Variants in MGAT3 observed in about 807,000 individuals in gnomAD.
The protein encoded by MGAT3 is GlcNAc-T III.
Under a neutral mutation model 29.8 loss-of-function variants are expected in MGAT3, and 9 were observed. That is an observed-to-expected ratio of 0.30 (90% CI 0.18 to 0.53). The LOEUF is 0.53. Ranked by LOEUF, MGAT3 falls within the 20% of genes least tolerant of loss-of-function variation. MGAT3 has a pLI of 0.96. For missense variants in MGAT3, 557 were observed against 769.5 expected, an observed-to-expected ratio of 0.72 and a Z score of 3.27; for synonymous variants, 397 against 348.9, an observed-to-expected ratio of 1.14 and a Z score of -1.54.
intron 1 of MGAT3, among the ~76,000 whole-genome samples, chr22:39,461,526 A>T (rs1928497395): frequency 6.6e-6 from 1 of 152,158 alleles, no homozygotes; most frequent in African/African-American, 2.4e-5. Flanking sequence ...ATGGGCCCCA[A>T]GCTTAAGCCA....
chr22:39,478,488 G>A (rs920956380), intron 1 of MGAT3, among the ~76,000 whole-genome samples: 2 of 152,236 alleles, frequency 1.3e-5, no homozygotes, highest in African/African-American at 2.4e-5. Flanking sequence ...CAGGGGAACC[G>A]GCTGTTAAGA....
intron 1 of MGAT3, among the ~76,000 whole-genome samples, chr22:39,468,138 G>T (rs1928708500): frequency 6.6e-6 from 1 of 152,148 alleles, no homozygotes; most frequent in South Asian, 2.1e-4. Context: ...CTCCCTGGGT[G>T]CCCAGAGCCC....
chr22:39,487,679 C>T lies in MGAT3; in HGVS notation c.332C>T (p.Thr111Ile), dbSNP rs1274932855. Residue 111 changes from threonine to isoleucine, a missense_variant, in exon 2 of 2, where the codon ACC becomes ATC. By Grantham distance (89) the Thr-to-Ile change is moderately conservative. This residue lies in a region of MGAT3 where 212 missense variants were observed against 228.5 expected (regional missense o/e 0.93). Transcript: ENST00000341184. This position sits in a 1 kb window ranked among gnomAD's most constrained non-coding sequence, Gnocchi z 5.7. ...PEDTTEYFVR[T>I]KAGGVCFKPG... The stretch of plus-strand genomic sequence containing the variant: ...GACACCACCGAGTATTTCGTGCGCA[C>T]CAAGGCCGGCGGCGTCTGCTTCAAA... 6.2e-7 allele frequency: 1 copy of T among 1,601,436 alleles called. No homozygotes were observed. The highest frequency in any genetic ancestry group is 2.2e-5 in the East Asian group (1 of 44,660).
In MGAT3 at chr22:39,457,090, T is replaced by A. The variant is rs1211931358; in HGVS notation, c.-469T>A. On this transcript the variant is annotated 5_prime_UTR_variant, in exon 1 of 2. Transcript: ENST00000341184. The surrounding 1 kb of genome is among the most constrained non-coding windows in gnomAD (Gnocchi z 6.8). ...GCGCGGGGCGGCGGCGGCCGGAGTC[T>A]GCGGTGCGAGGCGCCCCCGGCCCGG... Among the ~76,000 whole-genome samples, 1 of 145,634 alleles carries A rather than the reference T, an allele frequency of 6.9e-6. No homozygotes were observed. Among genetic ancestry groups the A allele is most frequent in the Non-Finnish European group, 1.5e-5 (1 of 65,650 alleles).
intron 1 of MGAT3, among the ~76,000 whole-genome samples, chr22:39,471,456 A>C (rs1175325741): frequency 1.3e-5 from 2 of 152,100 alleles, no homozygotes; most frequent in Non-Finnish European, 2.9e-5. Context: ...GTTAATAATT[A>C]ATCATCTGCC....
At chr22:39,481,379 G>A (rs754275060) in intron 1 of MGAT3, among the ~76,000 whole-genome samples, 2 of 152,320 alleles carry the variant, frequency 1.3e-5, no homozygotes, top group East Asian at 1.9e-4. Flanking sequence ...CTCTTTGGGC[G>A]CGCAGTTTTC....
intron 1 of MGAT3, among the ~76,000 whole-genome samples, chr22:39,467,756 G>A (rs1375437408): frequency 6.8e-6 from 1 of 146,956 alleles, no homozygotes; most frequent in Non-Finnish European, 1.5e-5. Flanking sequence ...CTTTCAGATG[G>A]AGTCTGGATC....
At chr22:39,467,340 G>A (rs1928677223) in intron 1 of MGAT3, among the ~76,000 whole-genome samples, 1 of 152,196 alleles carries the variant, frequency 6.6e-6, no homozygotes, top group Non-Finnish European at 1.5e-5. Context: ...GAAAGGGGTG[G>A]GGAAGGGAAT....
chr22:39,485,399 A>G (rs976728271), intron 1 of MGAT3, among the ~76,000 whole-genome samples: 2 of 152,226 alleles, frequency 1.3e-5, no homozygotes, highest in African/African-American at 4.8e-5. Flanking sequence ...CAAATGTACC[A>G]TGGTGGTATA....
chr22:39,479,415 G>A (rs2145722305), intron 1 of MGAT3, among the ~76,000 whole-genome samples: 1 of 152,218 alleles, frequency 6.6e-6, no homozygotes, highest in Admixed American at 6.5e-5. Flanking sequence ...CAGCGGGGTG[G>A]GGGTGGAGCC....
Position 39,488,870 on chromosome 22 carries a change from C to T in MGAT3, c.1523C>T (p.Thr508Met), listed in dbSNP as rs1403786617. Residue 508 changes from threonine to methionine, a missense_variant, in exon 2 of 2, where the codon ACG becomes ATG. Around this residue, in one of 3 missense-constraint regions of MGAT3, gnomAD observed 102 missense variants for 97.0 expected, o/e 1.05. Transcript: ENST00000341184. ...AACCCCTACCAGGAGCCCAGGAGCA[C>T]GGCGGCGGGCGGGTGGCGCCACAGG... is the stretch of plus-strand genomic sequence containing the variant. ...LDNPYQEPRSTAAGGWRHRGP... is the reference protein window; with the variant it reads ...LDNPYQEPRSMAAGGWRHRGP... 6.3e-6 allele frequency: 10 copies of T among 1,599,730 alleles called. No homozygotes were observed. Among genetic ancestry groups the T allele is most frequent in the East Asian group, 4.5e-5 (2 of 44,146 alleles).
At position 39,488,672 on chromosome 22, in the gene MGAT3, G is replaced by C; in HGVS notation, c.1325G>C (p.Arg442Pro). 6.2e-7 allele frequency: 1 copy of C among 1,613,770 alleles called. No homozygotes were observed. The highest frequency in any genetic ancestry group is 8.5e-7 in the Non-Finnish European group (1 of 1,180,022). Reference protein sequence around the residue: ...LVSAQNGDFPRWGDYEDKRDL... With the variant: ...LVSAQNGDFPPWGDYEDKRDL... ...TCCGCCCAGAATGGCGACTTCCCAC[G>C]CTGGGGTGACTACGAGGACAAGCGG... The change falls in exon 2 of 2, where the codon CGC becomes CCC. Residue 442 changes from arginine to proline, a missense_variant. By Grantham distance (103) the Arg-to-Pro change is moderately radical. Around this residue, in one of 3 missense-constraint regions of MGAT3, gnomAD observed 243 missense variants for 444.0 expected, o/e 0.55. Coordinates refer to ENST00000341184, the MANE Select transcript of MGAT3 (RefSeq NM_002409.5).
At position 39,487,013 on chromosome 22, in the gene MGAT3, G is replaced by A. The variant is rs370913809; in HGVS notation, c.-1-334G>A. On this transcript the variant is annotated intron_variant, in intron 1 of 1. Transcript: ENST00000341184. This position sits in a 1 kb window ranked among gnomAD's most constrained non-coding sequence, Gnocchi z 5.7. ...CTGCGAGTTGAGCTTTTCCCAAGGC[G>A]CATGTTACTCCTGGAGCCAAGCCTA... 2.0e-5 allele frequency among the ~76,000 whole-genome samples: 3 copies of A among 152,160 alleles called. No homozygotes were observed. Among genetic ancestry groups the A allele is most frequent in the African/African-American group, 7.2e-5 (3 of 41,428 alleles).
At chr22:39,462,024 C>T (rs988473103) in intron 1 of MGAT3, among the ~76,000 whole-genome samples, 14 of 152,138 alleles carry the variant, frequency 9.2e-5, no homozygotes, top group Admixed American at 8.5e-4. Context: ...CCCTCAGCCT[C>T]CCGAGCAGCT....
intron 1 of MGAT3, among the ~76,000 whole-genome samples, chr22:39,473,433 A>G (rs1928866969): frequency 6.6e-6 from 1 of 152,220 alleles, no homozygotes; most frequent in Non-Finnish European, 1.5e-5. Flanking sequence ...GTTATCAGGA[A>G]CAATAACTAA....
At chr22:39,481,405 G>A (rs1373605960) in intron 1 of MGAT3, among the ~76,000 whole-genome samples, 1 of 152,220 alleles carries the variant, frequency 6.6e-6, no homozygotes, top group Non-Finnish European at 1.5e-5. Flanking sequence ...TGACTAGTGT[G>A]TTTGTAGTTT....
At chr22:39,458,006 GGCAGCCGAGGCCCAAGC>G (rs1928388177) in intron 1 of MGAT3, among the ~76,000 whole-genome samples, 1 of 152,072 alleles carries the variant, frequency 6.6e-6, no homozygotes, top group African/African-American at 2.4e-5. Context: ...CTGCGGCGGC[GGCAGCCGAGGCCCAAGC>G]GCAGTCGGGG....
chr22:39,457,227 G>C lies in MGAT3; in HGVS notation c.-332G>C, dbSNP rs2145704434. The C allele has an allele frequency of 1.4e-5, 2 of 145,052 alleles. No homozygotes were observed. The highest frequency in any genetic ancestry group is 4.0e-4 in the East Asian group (2 of 4,962). 9.0% of individuals were successfully genotyped at this position (145,052 alleles called of 1,614,324 possible). ...GCGGGCACCCCTGCGCGCCGCGCTC[G>C]GCCTCGCCTCCGCGCCCCCCGCGCG... On this transcript the variant is annotated 5_prime_UTR_variant, in exon 1 of 2. Transcript: ENST00000341184. The surrounding 1 kb of genome is among the most constrained non-coding windows in gnomAD (Gnocchi z 6.8).
chr22:39,489,449 T>C lies in MGAT3; in HGVS notation c.*500T>C, dbSNP rs1929392139. The stretch of plus-strand genomic sequence containing the variant: ...TCCAGGAGGAAGCGTGGACACCTCG[T>C]AGGGAAGAGATGAAAAAGCCACATC... On this transcript the variant is annotated 3_prime_UTR_variant, in exon 2 of 2. Coordinates refer to ENST00000341184, the MANE Select transcript of MGAT3 (RefSeq NM_002409.5). The C allele has an allele frequency of 5.6e-6, 1 of 177,334 alleles. No homozygotes were observed. The highest frequency in any genetic ancestry group is 1.7e-4 in the South Asian group (1 of 5,912). 11.0% of individuals were successfully genotyped at this position (177,334 alleles called of 1,614,324 possible). A position where few individuals can be genotyped will look rare whatever the true frequency, so the allele number is the denominator to read the frequency against.
Sources: allele counts gnomAD v4.1 joint callset (sites outside exome capture counted in the v4.1 genomes callset), GRCh38; gene constraint gnomAD v4.1.1; regional missense constraint gnomAD v4.1.1; non-coding constraint Gnocchi (gnomAD v3.1); transcripts MANE v1.5; gene names NCBI Gene and HGNC (gene_info 2026-07-23, HGNC 2026-07-21).